MIS18A: variants seen among roughly 807,000 people sequenced by gnomAD.
The protein encoded by MIS18A is protein Mis18-alpha.
MIS18A carries 14 observed loss-of-function variants against 25.0 expected under a neutral mutation model. That is an observed-to-expected ratio of 0.56 (90% confidence interval 0.37 to 0.88). The LOEUF (loss-of-function observed/expected upper bound fraction) is 0.88. Among genes scored for constraint, MIS18A ranks in the 40% least tolerant of loss-of-function variants. The pLI is 0.00. For missense variants in MIS18A, 292 were observed against 290.8 expected, an observed-to-expected ratio of 1.00 and a Z score of -0.03; for synonymous variants, 134 against 118.6, an observed-to-expected ratio of 1.13 and a Z score of -0.84.
chr21:32,214,649 A>G, the MIS18A span, among the ~76,000 whole-genome samples: 1 of 152,224 alleles, frequency 6.6e-6, no homozygotes, highest in African/African-American at 2.4e-5. Flanking sequence ...TCCCATTACC[A>G]TATTTCAAAA....
At chr21:32,267,581 A>G (rs985100365), downstream of MIS18A, among the ~76,000 whole-genome samples, 1 of 152,260 alleles carries the variant, frequency 6.6e-6, no homozygotes, top group Non-Finnish European at 1.5e-5. Flanking sequence ...GGTATAAGGA[A>G]TCGGGGAGCC....
chr21:32,212,685 T>G, the MIS18A span, among the ~76,000 whole-genome samples: 1 of 152,174 alleles, frequency 6.6e-6, no homozygotes, highest in Non-Finnish European at 1.5e-5. Context: ...TGAATTATAA[T>G]AATCCCCACA....
At chr21:32,232,893 T>C in the MIS18A span, among the ~76,000 whole-genome samples, 2 of 151,780 alleles carry the variant, frequency 1.3e-5, no homozygotes, top group African/African-American at 2.4e-5. Context: ...GCTAAGAGAG[T>C]AGATTTTAGG....
At chr21:32,262,730 G>GA in the MIS18A span, among the ~76,000 whole-genome samples, 2 of 151,930 alleles carry the variant, frequency 1.3e-5, no homozygotes, top group Non-Finnish European at 2.9e-5. Context: ...ATTGTTCAGG[G>GA]AAAAAAAGAG....
chr21:32,177,175 T>TA, the MIS18A span, among the ~76,000 whole-genome samples: 1 of 152,182 alleles, frequency 6.6e-6, no homozygotes, highest in Non-Finnish European at 1.5e-5. Context: ...TTAATGAGTT[T>TA]ACCATATTAA....
At chr21:32,175,061 T>C in the MIS18A span, among the ~76,000 whole-genome samples, 1 of 152,318 alleles carries the variant, frequency 6.6e-6, no homozygotes, top group African/African-American at 2.4e-5. Context: ...CAAACCTAGA[T>C]AGTATAACCT....
At chr21:32,272,580 T>C (rs2031733421) in intron 2 of MIS18A, among the ~76,000 whole-genome samples, 1 of 152,238 alleles carries the variant, frequency 6.6e-6, no homozygotes, top group Non-Finnish European at 1.5e-5. Flanking sequence ...CTTTTAATAG[T>C]AACAGAACAG....
chr21:32,191,809 G>A, the MIS18A span, among the ~76,000 whole-genome samples: 9 of 152,106 alleles, frequency 5.9e-5, no homozygotes, highest in Admixed American at 5.9e-4. Flanking sequence ...GGAGGCTGAG[G>A]CAGCAGAATC....
the MIS18A span, among the ~76,000 whole-genome samples, chr21:32,223,991 G>A: frequency 6.6e-6 from 1 of 152,144 alleles, no homozygotes; most frequent in Non-Finnish European, 1.5e-5. Flanking sequence ...ATCAATAAAT[G>A]TAATCCATCA....
rs2123475562 is a variant in MIS18A, at chr21:32,279,017, C to A, written c.-3G>T. Reference sequence around the variant, plus strand: ...CTCAGTGACCGAACGCCTGCCATTACCTACAAATCGCCCGCGCCCCAGAGC... The same window carrying A: ...CTCAGTGACCGAACGCCTGCCATTAACTACAAATCGCCCGCGCCCCAGAGC... On this transcript the variant is annotated 5_prime_UTR_variant, in exon 1 of 5. Transcript: ENST00000290130. 7 of 1,588,838 alleles carry A rather than the reference C, an allele frequency of 4.4e-6. No individual in the cohort carries two copies. Among genetic ancestry groups the A allele is most frequent in the Non-Finnish European group, 4.3e-6 (5 of 1,167,322 alleles).
the MIS18A span, among the ~76,000 whole-genome samples, chr21:32,203,238 A>C: frequency 6.6e-6 from 1 of 152,064 alleles, no homozygotes; most frequent in South Asian, 2.1e-4. Flanking sequence ...GAACTCCAGA[A>C]AGAAGGAATA....
intron 1 of MIS18A, among the ~76,000 whole-genome samples, chr21:32,275,885 C>T (rs1394636009): frequency 6.6e-6 from 1 of 152,098 alleles, no homozygotes; most frequent in Non-Finnish European, 1.5e-5. Context: ...TGGACTACTG[C>T]CCTGGCTCTT....
the MIS18A span, among the ~76,000 whole-genome samples, chr21:32,201,157 G>C: frequency 6.6e-6 from 1 of 151,986 alleles, no homozygotes; most frequent in Admixed American, 6.6e-5. Context: ...GAGGGGACAG[G>C]TATCAGATTA....
At chr21:32,244,235 G>C in the MIS18A span, among the ~76,000 whole-genome samples, 12 of 152,096 alleles carry the variant, frequency 7.9e-5, no homozygotes. Flanking sequence ...AGAAAGCACA[G>C]TGGATTGCGC....
chr21:32,165,823 C>T, the MIS18A span, among the ~76,000 whole-genome samples: 1 of 152,040 alleles, frequency 6.6e-6, no homozygotes, highest in Non-Finnish European at 1.5e-5. Flanking sequence ...GTCTACATTA[C>T]ACTGGGCCCT....
At chr21:32,223,827 A>G in the MIS18A span, among the ~76,000 whole-genome samples, 1 of 152,234 alleles carries the variant, frequency 6.6e-6, no homozygotes, top group Non-Finnish European at 1.5e-5. Flanking sequence ...CACAACAAAA[A>G]AAGAAAATTT....
At chr21:32,214,689 T>TC in the MIS18A span, among the ~76,000 whole-genome samples, 4 of 152,264 alleles carry the variant, frequency 2.6e-5, no homozygotes, top group East Asian at 7.7e-4. Context: ...GGAGTCCAGA[T>TC]TGGAAAACAA....
At chr21:32,204,428 C>T in the MIS18A span, among the ~76,000 whole-genome samples, 1 of 151,710 alleles carries the variant, frequency 6.6e-6, no homozygotes, top group Non-Finnish European at 1.5e-5. Context: ...ACCTGGGCAG[C>T]AGAGGTTGCA....
the MIS18A span, among the ~76,000 whole-genome samples, chr21:32,220,045 G>T: frequency 6.6e-6 from 1 of 152,228 alleles, no homozygotes; most frequent in Non-Finnish European, 1.5e-5. Context: ...GGCTGTGGGT[G>T]CATCTTCAGC....
Sources: gnomAD v4.1 joint callset for allele counts (sites outside exome capture counted in the v4.1 genomes callset) on GRCh38, gnomAD v4.1.1 for gene constraint, MANE v1.5 for transcripts, NCBI Gene and HGNC (gene_info 2026-07-23, HGNC 2026-07-21) for gene names.